Variants in BCL7A observed in about 807,000 individuals in gnomAD.
BCL7A encodes the protein B-cell CLL/lymphoma 7 protein family member A.
Under a neutral mutation model 28.4 loss-of-function variants are expected in BCL7A, and 11 were observed. That is an observed-to-expected ratio of 0.39 (90% CI 0.24 to 0.64). The LOEUF (loss-of-function observed/expected upper bound fraction) is 0.64, where lower values mean the gene tolerates loss of function less well. Ranked by LOEUF, BCL7A falls within the 30% of genes least tolerant of loss-of-function variation. The probability of loss-of-function intolerance (pLI) is 0.50; values close to 1 mark genes in which losing one functional copy is unlikely to be tolerated. For synonymous variants in BCL7A, 123 were observed against 103.3 expected, an observed-to-expected ratio of 1.19 and a Z score of -1.15; for missense variants, 222 against 274.8, an observed-to-expected ratio of 0.81 and a Z score of 1.36.
chr12:122,045,851 G>C (rs1884065254), intron 4 of BCL7A, among the ~76,000 whole-genome samples: 1 of 151,896 alleles, frequency 6.6e-6, no homozygotes, highest in Non-Finnish European at 1.5e-5. Context: ...CACTTTGGGA[G>C]GCTGAGGCAG....
rs1225688378 is a variant in BCL7A at position 122,025,626 on chromosome 12, C to CA, written c.92+3455dup. Among the ~76,000 whole-genome samples, 623 of 125,744 alleles carry CA rather than the reference C, an allele frequency of 5.0e-3. 7 individuals are homozygous for CA. The highest frequency in any genetic ancestry group is 0.017 in the Middle Eastern group (4 of 236). 82.5% of individuals were successfully genotyped at this position (125,744 alleles called of 152,430 possible). On this transcript the variant is annotated intron_variant, in intron 1 of 5. Coordinates refer to ENST00000261822, the MANE Select transcript of BCL7A (RefSeq NM_001024808.3). ...TGGGCAACAGAGCGAGACTCCATCT[C>CA]AAAAAAAAAAAAGAAGAAGAAGAAA...
chr12:122,055,546 A>G (rs907384021), intron 5 of BCL7A, among the ~76,000 whole-genome samples: 1 of 152,206 alleles, frequency 6.6e-6, no homozygotes, highest in East Asian at 1.9e-4. Context: ...TAAAACACTT[A>G]GCATGGAGCG....
At position 122,021,961 on chromosome 12, in the gene BCL7A, T is replaced by A. The variant is rs1290841072; in HGVS notation, c.-131T>A. 50 of 619,832 alleles carry A rather than the reference T, an allele frequency of 8.1e-5. No individual in the cohort carries two copies. Among genetic ancestry groups the A allele is most frequent in the Non-Finnish European group, 1.1e-4 (40 of 351,802 alleles). 38.4% of individuals were successfully genotyped at this position (619,832 alleles called of 1,614,324 possible). A position where few individuals can be genotyped will look rare whatever the true frequency, so the allele number is the denominator to read the frequency against. On this transcript the variant is annotated 5_prime_UTR_variant, in exon 1 of 6. Transcript: ENST00000261822. ...GTGTGTGTGTGTGTGTGTGTGTGAG[T>A]GTGTGCGTGTGAGAGTGCGAGTGTC...
At chr12:122,038,897 A>C (rs1272597705) in intron 3 of BCL7A, among the ~76,000 whole-genome samples, 1 of 152,062 alleles carries the variant, frequency 6.6e-6, no homozygotes, top group African/African-American at 2.4e-5. Flanking sequence ...GCATGGGACC[A>C]AGCACAGTGG....
intron 4 of BCL7A, among the ~76,000 whole-genome samples, chr12:122,048,293 T>C (rs2135855579): frequency 6.6e-6 from 1 of 151,566 alleles, no homozygotes; most frequent in Non-Finnish European, 1.5e-5. Flanking sequence ...AGCTTATCTA[T>C]GTCTGAATCC....
intron 2 of BCL7A, among the ~76,000 whole-genome samples, chr12:122,033,888 C>T (rs985425987): frequency 2.0e-5 from 3 of 152,116 alleles, no homozygotes; most frequent in African/African-American, 7.2e-5. Flanking sequence ...TCCCATTCCC[C>T]TCGCCTGCCC....
chr12:122,023,378 G>A (rs1883520834), intron 1 of BCL7A, among the ~76,000 whole-genome samples: 1 of 152,202 alleles, frequency 6.6e-6, no homozygotes, highest in Admixed American at 6.5e-5. Flanking sequence ...CCCTGTGGCA[G>A]GGGATGTTTA....
chr12:122,023,991 T>G (rs1883547112), intron 1 of BCL7A, among the ~76,000 whole-genome samples: 1 of 152,124 alleles, frequency 6.6e-6, no homozygotes, highest in Admixed American at 6.5e-5. Context: ...GGACAGAGGC[T>G]CCTGCACCCT....
rs185400525 is a variant in BCL7A, at chr12:122,057,623, C to T, written c.562-1469C>T. On this transcript the variant is annotated intron_variant, in intron 5 of 5. Coordinates refer to ENST00000261822, the MANE Select transcript of BCL7A (RefSeq NM_001024808.3). ...TGGGGAGCACCAGTTAGGATGGCTG[C>T]GGTCAGGAGTTTGGTCTCAGGTGAC... Among the ~76,000 whole-genome samples, 190 of 152,116 alleles carry T rather than the reference C, an allele frequency of 1.2e-3. 1 individual carries two copies. The highest frequency in any genetic ancestry group is 4.2e-3 in the African/African-American group (175 of 41,498).
chr12:122,036,725 A>G (rs1190674728), intron 3 of BCL7A, among the ~76,000 whole-genome samples: 5 of 131,742 alleles, frequency 3.8e-5, no homozygotes, highest in Non-Finnish European at 7.9e-5. Flanking sequence ...TTTTTTTTTT[A>G]AGGCAGAGTC....
chr12:122,050,514 C>T (rs1044426666), intron 4 of BCL7A, among the ~76,000 whole-genome samples: 3 of 152,202 alleles, frequency 2.0e-5, no homozygotes, highest in African/African-American at 4.8e-5. Flanking sequence ...GTGATCCCAG[C>T]ATGCCCACCA....
At chr12:122,031,228 C>T (rs550321372) in intron 2 of BCL7A, among the ~76,000 whole-genome samples, 56 of 152,242 alleles carry the variant, frequency 3.7e-4, no homozygotes, top group African/African-American at 1.3e-3. Flanking sequence ...GCAGTTTCAC[C>T]GTGTTGGCCA....
At chr12:122,038,419 G>A (rs1438861772) in intron 3 of BCL7A, among the ~76,000 whole-genome samples, 2 of 97,458 alleles carry the variant, frequency 2.1e-5, no homozygotes, top group African/African-American at 3.7e-5. Flanking sequence ...GCAAAGGAGC[G>A]AGACTCTGCC....
At chr12:122,051,755 G>A (rs1407929499) in intron 4 of BCL7A, among the ~76,000 whole-genome samples, 3 of 151,758 alleles carry the variant, frequency 2.0e-5, no homozygotes, top group African/African-American at 7.3e-5. Context: ...GCTGTGGTCA[G>A]ATCCAAAGCC....
chr12:122,047,274 C>T (rs954414659), intron 4 of BCL7A, among the ~76,000 whole-genome samples: 2 of 150,958 alleles, frequency 1.3e-5, no homozygotes, highest in East Asian at 2.0e-4. Context: ...CTGTAATCCC[C>T]GCACTTTGGG....
intron 1 of BCL7A, among the ~76,000 whole-genome samples, chr12:122,024,469 T>TG (rs1340386579): frequency 2.0e-5 from 3 of 151,620 alleles, no homozygotes; most frequent in Non-Finnish European, 4.4e-5. Context: ...TTTGTTTTTT[T>TG]TTTTTTTTGG....
chr12:122,030,054 G>A (rs569798485), intron 1 of BCL7A, among the ~76,000 whole-genome samples: 2 of 152,266 alleles, frequency 1.3e-5, no homozygotes, highest in South Asian at 2.1e-4. Flanking sequence ...TGCAGACAGG[G>A]TCACTAGGAG....
intron 4 of BCL7A, among the ~76,000 whole-genome samples, chr12:122,046,906 T>G (rs1884087496): frequency 2.0e-5 from 3 of 146,748 alleles, no homozygotes; most frequent in Admixed American, 2.0e-4. Flanking sequence ...TTTCTTGGGT[T>G]TTTTTTTTTT....
In BCL7A at chr12:122,022,033, C is replaced by G. The variant is rs1883470666; in HGVS notation, c.-59C>G. 1.4e-6 allele frequency: 2 copies of G among 1,466,154 alleles called. No individual in the cohort carries two copies. The highest frequency in any genetic ancestry group is 1.8e-6 in the Non-Finnish European group (2 of 1,090,970). The allele number at this position is 1,466,154 out of a possible 1,614,324, so 90.8% of individuals were successfully genotyped here. A position where few individuals can be genotyped will look rare whatever the true frequency, so the allele number is the denominator to read the frequency against. ...CGGGCGGGCGCGAGTGTGGCCGCCG[C>G]GGAGCGCGAGCAGGACCCGGCGGGC... On this transcript the variant is annotated 5_prime_UTR_variant, in exon 1 of 6. Coordinates refer to ENST00000261822, the MANE Select transcript of BCL7A (RefSeq NM_001024808.3).
Sources: gnomAD v4.1 joint callset for allele counts (sites outside exome capture counted in the v4.1 genomes callset) on GRCh38, gnomAD v4.1.1 for gene constraint, MANE v1.5 for transcripts, NCBI Gene and HGNC (gene_info 2026-07-23, HGNC 2026-07-21) for gene names.